XPO6: variants seen among roughly 807,000 people sequenced by gnomAD.
XPO6 encodes exportin 6.
In XPO6, 3 loss-of-function variants were observed where a neutral mutation model predicts 130.0. The observed-to-expected ratio is 0.02, with a 90% CI of 0.01 to 0.06. XPO6 has a LOEUF of 0.06. XPO6 is among the 10% of genes least tolerant of loss of function. XPO6 has a pLI of 1.00. For missense variants in XPO6, 970 were observed against 1,393.0 expected (o/e 0.70, Z 4.83); for synonymous variants, 524 against 548.9 (o/e 0.95, Z 0.63).
At chr16:28,137,285 C>T (rs557270333) in intron 9 of XPO6, among the ~76,000 whole-genome samples, 51 of 152,342 alleles carry the variant, frequency 3.3e-4, no homozygotes, top group Non-Finnish European at 6.8e-4. Context: ...TTTTGACAGC[C>T]CCAGCTTCTT....
rs944837614 is a variant in XPO6 at position 28,106,907 on chromosome 16, G to C, written c.2498-410C>G. On this transcript the variant is annotated intron_variant, in intron 18 of 23. Transcript: ENST00000304658. This position sits in a 1 kb window ranked among gnomAD's most constrained non-coding sequence, Gnocchi z 4.2. ...CTGCAGCTGGGTCAGGGGTTAAGTG[G>C]TTGAAAGTGGATAATGAAGGTGTAT... Among the ~76,000 whole-genome samples the C allele has an allele frequency of 2.0e-5, 3 of 152,210 alleles. No homozygotes were observed. Among genetic ancestry groups the C allele is most frequent in the Non-Finnish European group, 4.4e-5 (3 of 68,040 alleles).
At chr16:28,191,647 G>C (rs1327800126) in intron 1 of XPO6, among the ~76,000 whole-genome samples, 1 of 152,162 alleles carries the variant, frequency 6.6e-6, no homozygotes, top group African/African-American at 2.4e-5. Context: ...GTGAAGACAG[G>C]GGCAGGCCAC....
intron 6 of XPO6, 143 bp downstream of exon 6, chr16:28,166,365 C>A: frequency 1.3e-6 from 1 of 745,070 alleles, no homozygotes; most frequent in Non-Finnish European, 2.2e-6. Context: ...CACTATGTTG[C>A]CCAGGCTGGT....
rs960019883 is a variant in XPO6 at position 28,107,743 on chromosome 16, A to G, written c.2342-66T>C. Reference sequence around the variant, plus strand: ...GAGAAAGCATGGTAAGAGGAGACACAAGGGAGAGGGAGGAAACTTGCAAAG... The same window carrying G: ...GAGAAAGCATGGTAAGAGGAGACACGAGGGAGAGGGAGGAAACTTGCAAAG... On this transcript the variant is annotated intron_variant, in intron 17 of 23. Transcript: ENST00000304658. The G allele has an allele frequency of 1.2e-4, 191 of 1,579,456 alleles. No individual in the cohort carries two copies. In the Admixed American group the frequency reaches 3.2e-3, roughly 26 times the overall value.
At chr16:28,108,501 C>T (rs1406394587) in intron 17 of XPO6, among the ~76,000 whole-genome samples, 2 of 152,188 alleles carry the variant, frequency 1.3e-5, no homozygotes, top group African/African-American at 2.4e-5. Flanking sequence ...AGGTCCCGAA[C>T]GATGCTAGCA....
chr16:28,176,547 G>C (rs2043536971), intron 3 of XPO6, among the ~76,000 whole-genome samples: 1 of 151,858 alleles, frequency 6.6e-6, no homozygotes, highest in Admixed American at 6.6e-5. Flanking sequence ...GCCCAGGCTG[G>C]AGTGCAGTGG....
At chr16:28,193,558 T>C (rs1467354892) in intron 1 of XPO6, among the ~76,000 whole-genome samples, 1 of 152,130 alleles carries the variant, frequency 6.6e-6, no homozygotes, top group African/African-American at 2.4e-5. Context: ...TCCACCCCAC[T>C]GGCGAGGCAC....
In XPO6 at chr16:28,107,669, T is replaced by A; in HGVS notation, c.2350A>T (p.Ile784Phe). The A allele has an allele frequency of 6.2e-7, 1 of 1,613,572 alleles. No homozygotes were observed. The highest frequency in any genetic ancestry group is 8.5e-7 in the Non-Finnish European group (1 of 1,179,902). Residue 784 changes from isoleucine to phenylalanine, a missense_variant, in exon 18 of 24, where the codon ATT becomes TTT. By Grantham distance (21) the Ile-to-Phe change is conservative. This residue lies in a region of XPO6 where 936 missense variants were observed against 1,306.8 expected (regional missense o/e 0.72). Transcript: ENST00000304658. ...AAGACGCTGAGTGTCTGGTGGATAATCAGTTTGGCTGCAAATCAAGATGAG... is the reference window on the plus strand; with the variant it reads ...AAGACGCTGAGTGTCTGGTGGATAAACAGTTTGGCTGCAAATCAAGATGAG... The part of the protein sequence containing the change: ...RKMPLDDTKL[I>F]IHQTLSVLED...
At chr16:28,202,397 G>A (rs754980234) in intron 1 of XPO6, among the ~76,000 whole-genome samples, 2 of 152,160 alleles carry the variant, frequency 1.3e-5, no homozygotes, top group Non-Finnish European at 2.9e-5. Flanking sequence ...TCAGCAGTAC[G>A]GAAGATGGAC....
At chr16:28,127,439 C>T (rs1434659942) in intron 12 of XPO6, among the ~76,000 whole-genome samples, 2 of 152,176 alleles carry the variant, frequency 1.3e-5, no homozygotes, top group African/African-American at 4.8e-5. Flanking sequence ...GTCCAGCAGC[C>T]AGCACAGCAG....
At chr16:28,190,280 C>T in intron 1 of XPO6, among the ~76,000 whole-genome samples, 1 of 150,788 alleles carries the variant, frequency 6.6e-6, no homozygotes, top group East Asian at 1.9e-4. Context: ...AGTGCAGTGG[C>T]ACAATCTCAG....
At chr16:28,155,872 T>C (rs1310949128) in intron 7 of XPO6, 6 of 1,330,338 alleles carry the variant, frequency 4.5e-6, no homozygotes, top group Non-Finnish European at 5.8e-6. Context: ...GCACAAGCAT[T>C]TTTCAAACTC....
intron 23 of XPO6, among the ~76,000 whole-genome samples, chr16:28,100,885 C>A (rs957238901): frequency 3.3e-5 from 5 of 152,090 alleles, no homozygotes; most frequent in African/African-American, 1.2e-4. Flanking sequence ...TGGGGACAGC[C>A]CACCTGACAG....
intron 1 of XPO6, among the ~76,000 whole-genome samples, chr16:28,184,385 G>A (rs2043661856): frequency 6.6e-6 from 1 of 152,160 alleles, no homozygotes; most frequent in Non-Finnish European, 1.5e-5. Context: ...CAGTTGGATT[G>A]TAGATACAGA....
intron 8 of XPO6, among the ~76,000 whole-genome samples, chr16:28,150,682 T>C (rs757107300): frequency 7.9e-5 from 12 of 152,234 alleles, no homozygotes; most frequent in African/African-American, 2.2e-4. Context: ...TGTCAAGACA[T>C]TGTCATTCCA....
At position 28,211,436 on chromosome 16, in the gene XPO6, T is replaced by C; in HGVS notation, c.-68A>G. On this transcript the variant is annotated 5_prime_UTR_variant, in exon 1 of 24. Transcript: ENST00000304658. ...CTTCGGACACGTCCCGCTCGCACAG[T>C]TCAGGTCATGGTCCCGGCAGACTCG... 1 of 1,307,572 alleles carries C rather than the reference T, an allele frequency of 7.6e-7. No individual in the cohort carries two copies. Among genetic ancestry groups the C allele is most frequent in the Non-Finnish European group, 9.8e-7 (1 of 1,019,360 alleles). 81.0% of individuals were successfully genotyped at this position (1,307,572 alleles called of 1,614,324 possible).
chr16:28,155,103 G>A (rs2043162937), intron 7 of XPO6, among the ~76,000 whole-genome samples: 1 of 152,070 alleles, frequency 6.6e-6, no homozygotes. Flanking sequence ...AATTTAAAAA[G>A]CACTACAACT....
chr16:28,177,502 G>A (rs889399106), intron 2 of XPO6, among the ~76,000 whole-genome samples, 170 bp from the exon 3 acceptor site: 4 of 152,144 alleles, frequency 2.6e-5, no homozygotes, highest in Non-Finnish European at 4.4e-5. Flanking sequence ...ATTTTTCTGC[G>A]TCTGAGGTGA....
chr16:28,180,236 G>C (rs2043593829), intron 2 of XPO6, among the ~76,000 whole-genome samples: 1 of 152,062 alleles, frequency 6.6e-6, no homozygotes, highest in African/African-American at 2.4e-5. Context: ...GTGGTGGTGG[G>C]CACCTGTAAT....
Sources: gnomAD v4.1 joint callset for allele counts (sites outside exome capture counted in the v4.1 genomes callset) on GRCh38, gnomAD v4.1.1 for gene constraint, gnomAD v4.1.1 regional missense constraint, Gnocchi (gnomAD v3.1) non-coding constraint, MANE v1.5 for transcripts, NCBI Gene and HGNC (gene_info 2026-07-23, HGNC 2026-07-21) for gene names.